The following AJAP1 variants were observed in gnomAD, a reference collection of about 807,000 sequenced individuals.
AJAP1 encodes adherens junction-associated protein 1.
AJAP1 carries 5 observed loss-of-function variants against 35.0 expected under a neutral mutation model. The ratio of observed to expected loss-of-function variants is 0.14; its 90% CI spans 0.07 to 0.30. The LOEUF is 0.30. Ranked by LOEUF, AJAP1 falls within the 10% of genes least tolerant of loss-of-function variation. AJAP1 has a pLI of 1.00. For missense variants in AJAP1, 586 were observed against 571.0 expected, an observed-to-expected ratio of 1.03 and a Z score of -0.27; for synonymous variants, 284 against 249.3, an observed-to-expected ratio of 1.14 and a Z score of -1.31.
intron 2 of AJAP1, 104 bp downstream of exon 2, chr1:4,712,803 G>A: frequency 8.0e-7 from 1 of 1,254,682 alleles, no homozygotes; most frequent in Non-Finnish European, 1.1e-6. Context: ...ATGTGTGGAG[G>A]CTCCAGGAGA....
intron 2 of AJAP1, among the ~76,000 whole-genome samples, chr1:4,748,629 T>A (rs1641249074): frequency 1.3e-5 from 2 of 151,566 alleles, no homozygotes; most frequent in African/African-American, 4.9e-5. Context: ...GTGCCTGTAA[T>A]CCCAGCAACT....
intron 2 of AJAP1, among the ~76,000 whole-genome samples, chr1:4,733,036 T>C (rs1640836567): frequency 6.6e-6 from 1 of 152,154 alleles, no homozygotes; most frequent in Non-Finnish European, 1.5e-5. Context: ...AGAATCTGTT[T>C]GGATTGAGAA....
intron 1 of AJAP1, among the ~76,000 whole-genome samples, chr1:4,659,768 G>A (rs1328174064): frequency 6.6e-6 from 1 of 152,216 alleles, no homozygotes; most frequent in Non-Finnish European, 1.5e-5. Context: ...GACTCAGACT[G>A]TGGACCAAAT....
rs185724917 is a variant in AJAP1 at position 4,695,851 on chromosome 1, A to G, written c.30-16049A>G. Among the ~76,000 whole-genome samples, 106 of 152,316 alleles carry G rather than the reference A, an allele frequency of 7.0e-4. 1 individual carries two copies. The highest frequency in any genetic ancestry group is 2.0e-3 in the Admixed American group (30 of 15,304). On this transcript the variant is annotated intron_variant, in intron 1 of 5. Transcript: ENST00000378191. ...TCACACCAAGGTCTAGAGCTTCCAC[A>G]TATGAACTTGAGGAGACCCAAGTCG...
chr1:4,671,508 G>A (rs1434956166), intron 1 of AJAP1, among the ~76,000 whole-genome samples: 1 of 151,908 alleles, frequency 6.6e-6, no homozygotes, highest in Non-Finnish European at 1.5e-5. Context: ...CTGTCTCAAA[G>A]GTATGGAGCC....
intron 2 of AJAP1, among the ~76,000 whole-genome samples, chr1:4,727,562 G>A (rs189440402): frequency 7.9e-4 from 120 of 152,308 alleles, no homozygotes; most frequent in East Asian, 3.1e-3. Flanking sequence ...CAGCAGAGGC[G>A]TGCTGCTGGG....
At chr1:4,753,131 T>G (rs1641357300) in intron 2 of AJAP1, among the ~76,000 whole-genome samples, 2 of 152,244 alleles carry the variant, frequency 1.3e-5, no homozygotes, top group Admixed American at 6.5e-5. Context: ...CCCTGTGCAC[T>G]AATCAGTCCT....
At chr1:4,748,256 T>C (rs1037523512) in intron 2 of AJAP1, among the ~76,000 whole-genome samples, 2 of 151,960 alleles carry the variant, frequency 1.3e-5, no homozygotes, top group African/African-American at 4.8e-5. Context: ...ATCTCAGCGC[T>C]TCTGCTGTGT....
intron 2 of AJAP1, among the ~76,000 whole-genome samples, chr1:4,753,562 T>C (rs987990153): frequency 6.6e-6 from 1 of 152,180 alleles, no homozygotes; most frequent in African/African-American, 2.4e-5. Flanking sequence ...TTCTTTAATA[T>C]ATTAATCGCT....
Position 4,723,214 on chromosome 1 carries a change from A to G in AJAP1, c.829+10515A>G, listed in dbSNP as rs1640562433. ...TTTAATTGAGAGGCAGAAGCTGGGG[A>G]GCAGCAGATTGGAAGGAGCCCTTGG... is the stretch of plus-strand genomic sequence containing the variant. On this transcript the variant is annotated intron_variant, in intron 2 of 5. Transcript: ENST00000378191. This position sits in a 1 kb window ranked among gnomAD's most constrained non-coding sequence, Gnocchi z 4.3. 6.6e-6 allele frequency among the ~76,000 whole-genome samples: 1 copy of G among 152,138 alleles called. No individual in the cohort carries two copies. Among genetic ancestry groups the G allele is most frequent in the Admixed American group, 6.5e-5 (1 of 15,282 alleles).
intron 2 of AJAP1, among the ~76,000 whole-genome samples, chr1:4,738,478 G>A (rs1640982212): frequency 6.6e-6 from 1 of 152,234 alleles, no homozygotes; most frequent in African/African-American, 2.4e-5. Flanking sequence ...CTAGGCGGGA[G>A]GGAAGCCAGC....
chr1:4,781,132 G>A (rs1312316470), intron 5 of AJAP1, among the ~76,000 whole-genome samples: 1 of 152,194 alleles, frequency 6.6e-6, no homozygotes, highest in Non-Finnish European at 1.5e-5. Context: ...GTGCTGTGCA[G>A]GAGGAGCTGT....
intron 1 of AJAP1, among the ~76,000 whole-genome samples, chr1:4,697,159 C>T (rs145464800): frequency 6.6e-6 from 1 of 152,256 alleles, no homozygotes; most frequent in Non-Finnish European, 1.5e-5. Context: ...TGTGTGCATG[C>T]CTGACTGTAT....
intron 1 of AJAP1, among the ~76,000 whole-genome samples, chr1:4,659,885 T>A (rs1638964266): frequency 6.6e-6 from 1 of 152,206 alleles, no homozygotes; most frequent in Admixed American, 6.5e-5. Context: ...CAGTAGTTAC[T>A]GCCCTTTCCA....
intron 2 of AJAP1, among the ~76,000 whole-genome samples, chr1:4,713,289 C>T (rs1373892479): frequency 6.6e-6 from 1 of 152,192 alleles, no homozygotes; most frequent in African/African-American, 2.4e-5. Flanking sequence ...ACAGAACCTT[C>T]GCAGACAGTG....
chr1:4,682,804 A>G (rs1419833518), intron 1 of AJAP1, among the ~76,000 whole-genome samples: 4 of 146,342 alleles, frequency 2.7e-5, no homozygotes, highest in African/African-American at 1.1e-4. Context: ...TAATGATGAT[A>G]ATGATGATAG....
intron 1 of AJAP1, among the ~76,000 whole-genome samples, chr1:4,680,650 C>T (rs2100209237): frequency 6.6e-6 from 1 of 152,306 alleles, no homozygotes; most frequent in South Asian, 2.1e-4. Flanking sequence ...GTAAAGCCAC[C>T]CTTGAGTCTG....
intron 3 of AJAP1, among the ~76,000 whole-genome samples, chr1:4,770,385 G>A (rs115360075): frequency 4.6e-5 from 7 of 152,254 alleles, no homozygotes; most frequent in Non-Finnish European, 7.4e-5. Flanking sequence ...TGTATTCTTC[G>A]TTCCTCTCAA....
rs930187973 is a variant in AJAP1 at position 4,676,846 on chromosome 1, G to A, written c.29+21392G>A. Among the ~76,000 whole-genome samples, 4 of 152,220 alleles carry A rather than the reference G, an allele frequency of 2.6e-5. No homozygotes were observed. In the East Asian group the frequency reaches 7.7e-4, roughly 29 times the overall value. On this transcript the variant is annotated intron_variant, in intron 1 of 5. Transcript: ENST00000378191. Reference sequence around the variant, plus strand: ...GGGAAGAACATGTGCAATGCTGTTGGCTACAGAGTTTCAAAGAGAAAATAA... The same window carrying A: ...GGGAAGAACATGTGCAATGCTGTTGACTACAGAGTTTCAAAGAGAAAATAA...
Sources: allele counts gnomAD v4.1 joint callset (sites outside exome capture counted in the v4.1 genomes callset), GRCh38; gene constraint gnomAD v4.1.1; non-coding constraint Gnocchi (gnomAD v3.1); transcripts MANE v1.5; gene names NCBI Gene and HGNC (gene_info 2026-07-23, HGNC 2026-07-21).